MAP2: variants seen among roughly 807,000 people sequenced by gnomAD.
MAP2 encodes microtubule-associated protein 2.
Under a neutral mutation model 137.6 loss-of-function variants are expected in MAP2, and 14 were observed. That is an observed-to-expected ratio of 0.10 (90% CI 0.07 to 0.16). The LOEUF (loss-of-function observed/expected upper bound fraction) is 0.16. MAP2 is among the 10% of genes least tolerant of loss of function. MAP2 has a pLI of 1.00. For missense variants in MAP2, 2,088 were observed against 2,191.5 expected, an observed-to-expected ratio of 0.95 and a Z score of 0.94; for synonymous variants, 786 against 782.3, an observed-to-expected ratio of 1.00 and a Z score of -0.08.
chr2:209,561,039 A>T (rs2071933560), intron 2 of MAP2, among the ~76,000 whole-genome samples: 1 of 152,184 alleles, frequency 6.6e-6, no homozygotes, highest in Non-Finnish European at 1.5e-5. Flanking sequence ...TTATATCTTC[A>T]TCTGGACTGT....
intron 2 of MAP2, among the ~76,000 whole-genome samples, chr2:209,508,176 T>G (rs2061298176): frequency 6.6e-6 from 1 of 152,050 alleles, no homozygotes; most frequent in Non-Finnish European, 1.5e-5. Context: ...CGAAACTAGC[T>G]TAACTGAGTT....
rs181731201 is a variant in MAP2 at position 209,501,063 on chromosome 2, A to G, written c.-221-6529A>G. ...AAAAAAAAAAAAAAAAGCCTACTCTATACCTTAAAAATATGAGAATTACAA... is the reference window on the plus strand; with the variant it reads ...AAAAAAAAAAAAAAAAGCCTACTCTGTACCTTAAAAATATGAGAATTACAA... On this transcript the variant is annotated intron_variant, in intron 1 of 15. Transcript: ENST00000682079. 3.4e-4 allele frequency among the ~76,000 whole-genome samples: 50 copies of G among 149,088 alleles called. 1 individual carries two copies. The highest frequency in any genetic ancestry group is 3.0e-3 in the Admixed American group (45 of 14,916).
At chr2:209,433,185 A>G (rs1029825789) in intron 1 of MAP2, among the ~76,000 whole-genome samples, 2 of 152,142 alleles carry the variant, frequency 1.3e-5, no homozygotes, top group African/African-American at 4.8e-5. Flanking sequence ...AGACATTAAC[A>G]AGTGAAATAA....
At chr2:209,578,360 C>A (rs2075676359) in intron 2 of MAP2, among the ~76,000 whole-genome samples, 1 of 150,706 alleles carries the variant, frequency 6.6e-6, no homozygotes, top group South Asian at 2.1e-4. Flanking sequence ...AAGGAGAATG[C>A]AAATTTATCT....
intron 2 of MAP2, among the ~76,000 whole-genome samples, chr2:209,571,483 CCAAA>C (rs1227140485): frequency 2.0e-5 from 3 of 151,804 alleles, no homozygotes; most frequent in Non-Finnish European, 4.4e-5. Context: ...CTAGATATTG[CCAAA>C]CAGTTTTCCA....
chr2:209,522,586 A>G (rs555335218), intron 2 of MAP2, among the ~76,000 whole-genome samples: 1 of 152,302 alleles, frequency 6.6e-6, no homozygotes, highest in South Asian at 2.1e-4. Flanking sequence ...CCATATATGA[A>G]AAAAGTTTCA....
chr2:209,552,479 C>G (rs951473448), intron 2 of MAP2, among the ~76,000 whole-genome samples: 18 of 152,158 alleles, frequency 1.2e-4, no homozygotes, highest in Non-Finnish European at 2.4e-4. Flanking sequence ...ATCTGTCACC[C>G]TTTTTGCATT....
chr2:209,493,254 C>T (rs775638046), intron 1 of MAP2, among the ~76,000 whole-genome samples: 6 of 152,092 alleles, frequency 3.9e-5, no homozygotes, highest in Non-Finnish European at 7.4e-5. Flanking sequence ...TGGACCCCTT[C>T]GTTACACTGT....
chr2:209,589,949 A>G (rs1393566246), intron 3 of MAP2, among the ~76,000 whole-genome samples: 1 of 152,190 alleles, frequency 6.6e-6, no homozygotes, highest in Non-Finnish European at 1.5e-5. Flanking sequence ...CTGGTCTCAG[A>G]TGTAGACATG....
intron 2 of MAP2, among the ~76,000 whole-genome samples, chr2:209,575,520 A>AG (rs1361613454): frequency 8.2e-6 from 1 of 121,910 alleles, no homozygotes; most frequent in Non-Finnish European, 1.6e-5. Context: ...CTCCATCTCA[A>AG]AAAAAAAAAA....
At chr2:209,435,998 T>TAATATATACAGTACATATTATATATA (rs1559159522) in intron 1 of MAP2, among the ~76,000 whole-genome samples, 2 of 88,806 alleles carry the variant, frequency 2.3e-5, no homozygotes, top group African/African-American at 1.3e-4. Context: ...TATTATATAC[T>TAATATATACAGTACATATTATATATA]ATATATACAG....
At chr2:209,548,198 C>G (rs1002524206) in intron 2 of MAP2, among the ~76,000 whole-genome samples, 4 of 152,178 alleles carry the variant, frequency 2.6e-5, no homozygotes, top group African/African-American at 9.7e-5. Flanking sequence ...AGTAGCTTAA[C>G]CAAATGTACA....
chr2:209,558,188 ATTTC>A (rs201196661), intron 2 of MAP2, among the ~76,000 whole-genome samples: 3,001 of 151,988 alleles, frequency 0.02, 95 homozygotes, highest in African/African-American at 0.068. Context: ...TTCTTATTTT[ATTTC>A]TTTCTTTATT....
intron 10 of MAP2, among the ~76,000 whole-genome samples, chr2:209,697,685 A>C (rs1053364512): frequency 1.3e-5 from 2 of 152,198 alleles, no homozygotes; most frequent in Non-Finnish European, 2.9e-5. Context: ...ACTGAACTAC[A>C]TCTCTTAGCT....
At chr2:209,704,591 C>T (rs765585941) in intron 11 of MAP2, 12 of 1,605,178 alleles carry the variant, frequency 7.5e-6, no homozygotes, top group Admixed American at 5.1e-5. Flanking sequence ...CTCCACAGAC[C>T]GTTTGCCATA....
intron 2 of MAP2, 66 bp downstream of exon 2, chr2:209,507,707 T>C (rs1314039686): frequency 6.6e-6 from 1 of 152,174 alleles, no homozygotes; most frequent in African/African-American, 2.4e-5. Flanking sequence ...CATGGGTCTT[T>C]AGATAGCTGT....
intron 2 of MAP2, among the ~76,000 whole-genome samples, chr2:209,578,442 C>A (rs1374481785): frequency 6.6e-6 from 1 of 150,918 alleles, no homozygotes; most frequent in African/African-American, 2.4e-5. Flanking sequence ...AGAAACATAT[C>A]ATCTGTCTCT....
chr2:209,488,485 T>A lies in MAP2; in HGVS notation c.-221-19107T>A, dbSNP rs532886493. On this transcript the variant is annotated intron_variant, in intron 1 of 15. Transcript: ENST00000682079. ...GGGCTGAAGCCAGGGAGCCAAGTGG[T>A]CTAGCTCAGTGGATCCCACCCCCAC... 2.6e-5 allele frequency among the ~76,000 whole-genome samples: 4 copies of A among 152,108 alleles called. No homozygotes were observed. The South Asian group carries it at 8.3e-4, about 32-fold the overall frequency.
intron 1 of MAP2, among the ~76,000 whole-genome samples, chr2:209,445,865 A>G (rs926825390): frequency 5.3e-5 from 8 of 151,728 alleles, no homozygotes; most frequent in African/African-American, 1.7e-4. Context: ...TTGTCCACAG[A>G]CCATAAAACA....
Sources: gnomAD v4.1 joint callset for allele counts (sites outside exome capture counted in the v4.1 genomes callset) on GRCh38, gnomAD v4.1.1 for gene constraint, MANE v1.5 for transcripts, NCBI Gene and HGNC (gene_info 2026-07-23, HGNC 2026-07-21) for gene names.